Variants in FOLH1 observed in about 807,000 individuals in gnomAD.
The protein encoded by FOLH1 is folate hydrolase 1, also known as glutamate carboxypeptidase 2.
A neutral mutation model predicts 93.9 loss-of-function variants in FOLH1; 54 were observed. The observed-to-expected ratio is 0.57, with a 90% CI of 0.46 to 0.72. The LOEUF is 0.72. Ranked by LOEUF, FOLH1 falls within the 30% of genes least tolerant of loss-of-function variation. The pLI is 0.00. For missense variants in FOLH1, 571 were observed against 892.5 expected (o/e 0.64, Z 4.59); for synonymous variants, 249 against 303.6 (o/e 0.82, Z 1.87).
chr11:49,188,438 G>C (rs543806663), intron 4 of FOLH1, among the ~76,000 whole-genome samples: 1 of 151,548 alleles, frequency 6.6e-6, no homozygotes, highest in East Asian at 1.9e-4. Flanking sequence ...GCTTGAACAC[G>C]GGAGGTGGAG....
chr11:49,198,777 C>CTT (rs1337012575), intron 3 of FOLH1, among the ~76,000 whole-genome samples: 5 of 139,496 alleles, frequency 3.6e-5, no homozygotes, highest in African/African-American at 1.3e-4. Context: ...GTTTGTTTTT[C>CTT]TTTTTTTTTT....
At chr11:49,186,837 T>C (rs1861440912) in intron 4 of FOLH1, 68 bp from the exon 5 acceptor site, 2 of 1,497,560 alleles carry the variant, frequency 1.3e-6, no homozygotes, top group East Asian at 4.8e-5. Context: ...GCATGGGGAC[T>C]GTTGGACATT....
intron 12 of FOLH1, among the ~76,000 whole-genome samples, chr11:49,165,325 T>C (rs1457230033): frequency 2.0e-5 from 3 of 152,232 alleles, no homozygotes; most frequent in African/African-American, 7.2e-5. Flanking sequence ...TTTGCTGCCA[T>C]ACCCCAAGTG....
intron 10 of FOLH1, among the ~76,000 whole-genome samples, chr11:49,171,596 G>T (rs1476384115): frequency 6.6e-6 from 1 of 152,022 alleles, no homozygotes; most frequent in Non-Finnish European, 1.5e-5. Context: ...AACAAAGAAA[G>T]AAATTTCTAG....
At chr11:49,147,683 G>A (rs1855929947) in intron 18 of FOLH1, among the ~76,000 whole-genome samples, 1 of 152,082 alleles carries the variant, frequency 6.6e-6, no homozygotes, top group Admixed American at 6.6e-5. Context: ...CATATATTAG[G>A]GAGGCCAAGG....
chr11:49,179,694 C>G (rs1177482119), intron 7 of FOLH1, among the ~76,000 whole-genome samples: 1 of 151,610 alleles, frequency 6.6e-6, no homozygotes, highest in Non-Finnish European at 1.5e-5. Flanking sequence ...AGAAACTGGA[C>G]AAAGAAAACT....
intron 13 of FOLH1, among the ~76,000 whole-genome samples, chr11:49,163,350 A>G (rs921636266): frequency 7.9e-5 from 12 of 152,046 alleles, no homozygotes; most frequent in Non-Finnish European, 1.8e-4. Context: ...TTTATAAGGA[A>G]GTCTGGCCAC....
intron 4 of FOLH1, among the ~76,000 whole-genome samples, chr11:49,190,547 A>G (rs1303955123): frequency 6.6e-6 from 1 of 152,192 alleles, no homozygotes; most frequent in Non-Finnish European, 1.5e-5. Flanking sequence ...GTGATTCTCA[A>G]AGATGGTCCT....
At chr11:49,198,173 C>G (rs609054) in intron 3 of FOLH1, among the ~76,000 whole-genome samples, 74,816 of 151,000 alleles carry the variant, frequency 0.5, 20,368 homozygotes, top group African/African-American at 0.74. Flanking sequence ...TGAGGAGGAA[C>G]GAAAAAAGAA....
intron 15 of FOLH1, among the ~76,000 whole-genome samples, chr11:49,155,941 A>G (rs1856987400): frequency 6.6e-6 from 1 of 151,106 alleles, no homozygotes. Context: ...TTGAATTATG[A>G]TAATCCCCAC....
chr11:49,179,398 T>G (rs920137435), intron 7 of FOLH1, among the ~76,000 whole-genome samples: 18 of 152,322 alleles, frequency 1.2e-4, no homozygotes, highest in African/African-American at 4.1e-4. Context: ...CTCATATACT[T>G]CTTTTACTAA....
intron 12 of FOLH1, among the ~76,000 whole-genome samples, chr11:49,166,475 C>G (rs771815355): frequency 6.6e-6 from 1 of 152,138 alleles, no homozygotes; most frequent in Non-Finnish European, 1.5e-5. Context: ...AATTTTTTTA[C>G]GTGTAAAGCA....
intron 10 of FOLH1, 60 bp downstream of exon 10, chr11:49,173,297 C>CATA (rs1859590978): frequency 3.9e-6 from 6 of 1,541,554 alleles, no homozygotes; most frequent in Non-Finnish European, 5.3e-6. Context: ...ACTCCCTTTA[C>CATA]AGAAGACTAA....
chr11:49,168,631 C>T (rs996200011), intron 12 of FOLH1, among the ~76,000 whole-genome samples: 9 of 152,028 alleles, frequency 5.9e-5, no homozygotes, highest in Non-Finnish European at 1.2e-4. Context: ...CCACCACGCC[C>T]GGCTAATTTT....
intron 17 of FOLH1, 26 bp downstream of exon 17, chr11:49,153,820 C>CAT (rs770223876): frequency 2.0e-6 from 3 of 1,484,384 alleles, no homozygotes; most frequent in South Asian, 1.2e-5. Context: ...CACATACACA[C>CAT]ATATGCACAT....
chr11:49,183,068 A>G, intron 7 of FOLH1, 81 bp downstream of exon 7: 1 of 1,230,212 alleles, frequency 8.1e-7, no homozygotes, highest in Non-Finnish European at 1.1e-6. Flanking sequence ...GTACTAAAAA[A>G]TGGAGATAAA....
At position 49,171,330 on chromosome 11, in the gene FOLH1, A is replaced by G. The variant is rs773227807; in HGVS notation, c.1226-53T>C. The G allele has an allele frequency of 9.4e-6, 14 of 1,489,810 alleles. No homozygotes were observed. The South Asian group carries it at 1.8e-4, about 20-fold the overall frequency. The allele number at this position is 1,489,810 out of a possible 1,614,324, so 92.3% of individuals were successfully genotyped here. A position where few individuals can be genotyped will look rare whatever the true frequency, so the allele number is the denominator to read the frequency against. On this transcript the variant is annotated intron_variant, in intron 10 of 18. Transcript: ENST00000256999. ...TAGAAAAAAAATTCATAATATACCC[A>G]GGACACTACCAAGCCCAGATTGGAA...
At chr11:49,187,804 G>A (rs1015575031) in intron 4 of FOLH1, among the ~76,000 whole-genome samples, 3 of 152,188 alleles carry the variant, frequency 2.0e-5, no homozygotes, top group South Asian at 2.1e-4. Context: ...GCTGTAGACA[G>A]CCCCCTTGCT....
chr11:49,157,503 A>T (rs1857156987), intron 14 of FOLH1, among the ~76,000 whole-genome samples: 1 of 152,072 alleles, frequency 6.6e-6, no homozygotes, highest in Non-Finnish European at 1.5e-5. Flanking sequence ...CATTTTAAAA[A>T]ATGCTGCAAA....
Sources: gnomAD v4.1 joint callset for allele counts (sites outside exome capture counted in the v4.1 genomes callset) on GRCh38, gnomAD v4.1.1 for gene constraint, MANE v1.5 for transcripts, NCBI Gene and HGNC (gene_info 2026-07-23, HGNC 2026-07-21) for gene names.